The following CCDC181 variants were observed in gnomAD, a reference collection of about 807,000 sequenced individuals.
CCDC181 encodes coiled-coil domain containing 181.
In CCDC181, 35 loss-of-function variants were observed where a neutral mutation model predicts 58.7. The observed-to-expected ratio is 0.60, with a 90% CI of 0.46 to 0.79. The LOEUF is 0.79. Ranked by LOEUF, CCDC181 falls within the 30% of genes least tolerant of loss-of-function variation. The pLI is 0.00. For synonymous variants in CCDC181, 183 were observed against 197.5 expected (o/e 0.93, Z 0.62); for missense variants, 517 against 583.9 (o/e 0.89, Z 1.18).
At chr1:169,422,813 A>C (rs1656541341) in intron 2 of CCDC181, among the ~76,000 whole-genome samples, 2 of 151,888 alleles carry the variant, frequency 1.3e-5, no homozygotes, top group African/African-American at 4.8e-5. Flanking sequence ...TATAATCTGC[A>C]GGACCTATCT....
chr1:169,421,689 T>C lies in CCDC181; in HGVS notation c.742A>G (p.Thr248Ala), dbSNP rs1656470330. The C allele has an allele frequency of 6.2e-7, 1 of 1,614,090 alleles. No homozygotes were observed. Among genetic ancestry groups the C allele is most frequent in the Non-Finnish European group, 8.5e-7 (1 of 1,180,012 alleles). Residue 248 changes from threonine to alanine, a missense_variant, in exon 3 of 6, where the codon ACA (threonine) becomes GCA (alanine). By Grantham distance (58) the Thr-to-Ala change is moderately conservative (BLOSUM62 0). Transcript: ENST00000367806. ...FLPPINNANS[T>A]ENDPQQLLPR... ...AACAACTGCTGAGGGTCATTTTCTG[T>C]ACTATTTGCATTATTAATGGGAGGC...
intron 2 of CCDC181, among the ~76,000 whole-genome samples, chr1:169,444,414 G>A (rs1055342438): frequency 2.0e-5 from 3 of 152,098 alleles, no homozygotes; most frequent in Non-Finnish European, 2.9e-5. Context: ...TTTATTAGGG[G>A]TAGTGAGTGA....
At chr1:169,413,604 T>C (rs1656076507) in intron 4 of CCDC181, among the ~76,000 whole-genome samples, 1 of 152,014 alleles carries the variant, frequency 6.6e-6, no homozygotes, top group Non-Finnish European at 1.5e-5. Flanking sequence ...CAATAACAAA[T>C]ACTTGAAACC....
chr1:169,446,327 C>G (rs1276359926), intron 2 of CCDC181, among the ~76,000 whole-genome samples: 3 of 151,996 alleles, frequency 2.0e-5, no homozygotes, highest in Non-Finnish European at 4.4e-5. Context: ...GCCTGTAGTC[C>G]CAGCTACTTG....
intron 2 of CCDC181, among the ~76,000 whole-genome samples, chr1:169,441,465 T>C (rs1229950020): frequency 6.6e-6 from 1 of 152,114 alleles, no homozygotes; most frequent in East Asian, 1.9e-4. Context: ...GATGAGGGGA[T>C]GTTAATGACA....
chr1:169,452,170 G>C (rs6673761), intron 2 of CCDC181, among the ~76,000 whole-genome samples: 1 of 151,960 alleles, frequency 6.6e-6, no homozygotes, highest in Non-Finnish European at 1.5e-5. Flanking sequence ...CTTAAGTTTA[G>C]CTGTCAGGAA....
chr1:169,456,328 G>C (rs1009706553), intron 2 of CCDC181, among the ~76,000 whole-genome samples: 1 of 152,132 alleles, frequency 6.6e-6, no homozygotes, highest in Non-Finnish European at 1.5e-5. Context: ...ACAAAGCCAG[G>C]TTGCATTGTT....
chr1:169,440,934 A>AAAAAAAAAAAAAAAAAAAAAAAAAAAAG, intron 2 of CCDC181, among the ~76,000 whole-genome samples: 1 of 148,974 alleles, frequency 6.7e-6, no homozygotes, highest in African/African-American at 2.5e-5. Context: ...GACTGTCTAA[A>AAAAAAAAAAAAAAAAAAAAAAAAAAAAG]AAAAAAAAAA....
intron 2 of CCDC181, among the ~76,000 whole-genome samples, chr1:169,447,963 T>C (rs1010006517): frequency 2.0e-5 from 3 of 152,340 alleles, no homozygotes; most frequent in African/African-American, 7.2e-5. Flanking sequence ...GAACATTTTA[T>C]ACTATCCATT....
At chr1:169,395,522 C>G (rs1471632903) in intron 5 of CCDC181, among the ~76,000 whole-genome samples, 1 of 152,094 alleles carries the variant, frequency 6.6e-6, no homozygotes, top group Non-Finnish European at 1.5e-5. Context: ...AACAGGATTT[C>G]TTACTATTTG....
chr1:169,449,248 G>A (rs1657465143), intron 2 of CCDC181, among the ~76,000 whole-genome samples: 1 of 152,120 alleles, frequency 6.6e-6, no homozygotes, highest in Non-Finnish European at 1.5e-5. Flanking sequence ...CAGATACTAG[G>A]AACTGAGGTA....
intron 2 of CCDC181, chr1:169,451,444 A>G (rs1657534225): frequency 6.6e-6 from 1 of 152,168 alleles, no homozygotes; most frequent in African/African-American, 2.4e-5. Context: ...ATAAACAGAA[A>G]TCCTAAAGGC....
intron 4 of CCDC181, among the ~76,000 whole-genome samples, chr1:169,411,844 ACT>A (rs1352877700): frequency 6.6e-6 from 1 of 152,116 alleles, no homozygotes; most frequent in Non-Finnish European, 1.5e-5. Context: ...CATGCTAAAA[ACT>A]CTCAATAAAC....
chr1:169,412,741 T>C (rs753464078), intron 4 of CCDC181, among the ~76,000 whole-genome samples: 1 of 152,182 alleles, frequency 6.6e-6, no homozygotes. Flanking sequence ...CCACCTGATC[T>C]TCGACAAACC....
intron 2 of CCDC181, among the ~76,000 whole-genome samples, chr1:169,449,651 G>T (rs1438014888): frequency 6.6e-6 from 1 of 152,128 alleles, no homozygotes; most frequent in Non-Finnish European, 1.5e-5. Context: ...GAATCCAAAA[G>T]CTGAAGAACT....
intron 2 of CCDC181, among the ~76,000 whole-genome samples, chr1:169,440,807 A>C (rs1657201699): frequency 6.6e-6 from 1 of 151,842 alleles, no homozygotes. Flanking sequence ...GGTGGAGCAC[A>C]CCTGTAATCC....
intron 5 of CCDC181, among the ~76,000 whole-genome samples, chr1:169,397,015 G>T (rs560670584): frequency 1.3e-5 from 2 of 151,080 alleles, no homozygotes; most frequent in African/African-American, 4.9e-5. Flanking sequence ...GTATCTTGAA[G>T]AAAAATTGGT....
At chr1:169,456,441 C>G (rs1276230479) in intron 2 of CCDC181, among the ~76,000 whole-genome samples, 2 of 152,020 alleles carry the variant, frequency 1.3e-5, no homozygotes, top group Admixed American at 6.5e-5. Context: ...ATTAGTAAAG[C>G]TAATGACTGT....
chr1:169,445,953 C>T (rs1019813811), intron 2 of CCDC181, among the ~76,000 whole-genome samples: 1 of 152,094 alleles, frequency 6.6e-6, no homozygotes, highest in African/African-American at 2.4e-5. Flanking sequence ...ATTCCTCTCT[C>T]ATTTCTGATA....
Sources: allele counts gnomAD v4.1 joint callset (sites outside exome capture counted in the v4.1 genomes callset), GRCh38; gene constraint gnomAD v4.1.1; transcripts MANE v1.5; gene names NCBI Gene and HGNC (gene_info 2026-07-23, HGNC 2026-07-21).